AGXT2: variants seen among roughly 807,000 people sequenced by gnomAD.
AGXT2 encodes the protein alanine--glyoxylate aminotransferase 2, mitochondrial.
In AGXT2, 61 loss-of-function variants were observed where a neutral mutation model predicts 62.5. That is an observed-to-expected ratio of 0.98 (90% confidence interval 0.79 to 1.21). The LOEUF (loss-of-function observed/expected upper bound fraction) is 1.21. AGXT2 is among the 50% of genes most tolerant of loss of function. The probability of loss-of-function intolerance (pLI) is 0.00; values close to 1 mark genes in which losing one functional copy is unlikely to be tolerated. For missense variants in AGXT2, 666 were observed against 641.5 expected, an observed-to-expected ratio of 1.04 and a Z score of -0.41; for synonymous variants, 243 against 218.7, an observed-to-expected ratio of 1.11 and a Z score of -0.98.
rs1416484506 is a variant in AGXT2, at chr5:35,026,498, G to A, written c.782C>T (p.Ala261Val). 6.2e-7 allele frequency: 1 copy of A among 1,613,740 alleles called. No homozygotes were observed. The highest frequency in any genetic ancestry group is 1.1e-5 in the South Asian group (1 of 91,068). The change falls in exon 8 of 14, where the codon GCT becomes GTT. Residue 261 changes from alanine (A) to valine (V), a missense_variant. Coordinates refer to ENST00000231420, the MANE Select transcript of AGXT2 (RefSeq NM_031900.4). ...GAATTGCTCAATATACTGATCTTTA[G>A]CTTGGCAGCAGTCTGCAAAAAGCAA... is the stretch of plus-strand genomic sequence containing the variant. Reference protein sequence around the residue: ...KCSCAPDCCQAKDQYIEQFKD... With the variant: ...KCSCAPDCCQVKDQYIEQFKD...
At chr5:35,007,849 T>A (rs946008397) in intron 12 of AGXT2, among the ~76,000 whole-genome samples, 2 of 152,182 alleles carry the variant, frequency 1.3e-5, no homozygotes, top group African/African-American at 4.8e-5. Context: ...CCCTCATGAA[T>A]GTCTTGGTGC....
chr5:35,010,290 T>C (rs557498168), intron 11 of AGXT2, 141 bp from the exon 12 acceptor site: 11 of 1,095,530 alleles, frequency 1.0e-5, no homozygotes, highest in Non-Finnish European at 1.4e-5. Context: ...CCACAAGGAC[T>C]ACAAAAAGAT....
chr5:35,023,198 G>T (rs941519031), intron 9 of AGXT2, among the ~76,000 whole-genome samples: 6 of 145,780 alleles, frequency 4.1e-5, no homozygotes, highest in African/African-American at 1.3e-4. Flanking sequence ...AAAGAAAAAA[G>T]AAAAACCTCT....
At chr5:35,013,089 T>A (rs1405339690) in intron 10 of AGXT2, 44 bp from the exon 11 acceptor site, 10 of 1,503,538 alleles carry the variant, frequency 6.7e-6, no homozygotes, top group Non-Finnish European at 9.1e-6. Context: ...GACACATTCC[T>A]GTCCACAATC....
At chr5:35,024,275 T>C (rs1234962850) in intron 9 of AGXT2, among the ~76,000 whole-genome samples, 1 of 152,148 alleles carries the variant, frequency 6.6e-6, no homozygotes, top group Non-Finnish European at 1.5e-5. Flanking sequence ...TACTTACAGG[T>C]TCTCCACCTG....
chr5:35,030,568 C>T (rs1767528640), intron 7 of AGXT2, among the ~76,000 whole-genome samples: 1 of 152,098 alleles, frequency 6.6e-6, no homozygotes, highest in African/African-American at 2.4e-5. Context: ...CCAAAGGCAA[C>T]AGTTCAGAGC....
intron 2 of AGXT2, 148 bp from the exon 3 acceptor site, chr5:35,039,656 C>T (rs906153968): frequency 2.2e-5 from 16 of 722,208 alleles, no homozygotes; most frequent in African/African-American, 1.3e-4. Flanking sequence ...TACCCAATAT[C>T]GTCCCTGCAA....
intron 11 of AGXT2, among the ~76,000 whole-genome samples, chr5:35,011,572 T>G (rs565613691): frequency 1.7e-4 from 26 of 152,160 alleles, no homozygotes; most frequent in Non-Finnish European, 2.2e-4. Flanking sequence ...AACTATTTAA[T>G]TAATAAAGGC....
rs543129852 is a variant in AGXT2 at position 35,040,195 on chromosome 5, A to G, written c.177+380T>C. Among the ~76,000 whole-genome samples the G allele has an allele frequency of 3.9e-5, 6 of 152,228 alleles. No individual in the cohort carries two copies. The South Asian group carries it at 1.2e-3, about 32-fold the overall frequency. ...ATATAACTATAATTTTTGCTGGAGT[A>G]CCCAGGAAGGTCAGATGGCCACATG... On this transcript the variant is annotated intron_variant, in intron 2 of 13. Coordinates refer to ENST00000231420, the MANE Select transcript of AGXT2 (RefSeq NM_031900.4).
chr5:35,035,409 G>C, intron 4 of AGXT2, 93 bp from the exon 5 acceptor site: 1 of 1,028,568 alleles, frequency 9.7e-7, no homozygotes, highest in Non-Finnish European at 1.5e-6. Flanking sequence ...CAGCCCCTGA[G>C]TATTAAGGAG....
chr5:35,008,020 C>A (rs138824837), intron 12 of AGXT2, among the ~76,000 whole-genome samples: 445 of 152,262 alleles, frequency 2.9e-3, no homozygotes, highest in African/African-American at 0.01. Flanking sequence ...CCTTCCACCA[C>A]GAACAGAAGC....
At position 35,018,094 on chromosome 5, in the gene AGXT2, T is replaced by C. The variant is rs561016004; in HGVS notation, c.964-3975A>G. ...TATGTGAAAAGACCAAATCTACGTC[T>C]GATTGGTGTACCTGAAAGTGACAGG... On this transcript the variant is annotated intron_variant, in intron 9 of 13. Coordinates refer to ENST00000231420, the MANE Select transcript of AGXT2 (RefSeq NM_031900.4). Among the ~76,000 whole-genome samples the C allele has an allele frequency of 1.8e-3, 271 of 152,296 alleles. 4 individuals are homozygous for C. Among genetic ancestry groups the C allele is most frequent in the Non-Finnish European group, 2.8e-4 (19 of 68,018 alleles).
chr5:35,020,154 A>G (rs1337981937), intron 9 of AGXT2, among the ~76,000 whole-genome samples: 2 of 152,288 alleles, frequency 1.3e-5, no homozygotes, highest in Non-Finnish European at 1.5e-5. Context: ...ACAAGGAGGA[A>G]CTGGTACCAT....
intron 13 of AGXT2, among the ~76,000 whole-genome samples, chr5:35,002,356 A>C (rs1766259748): frequency 6.6e-6 from 1 of 152,178 alleles, no homozygotes; most frequent in Non-Finnish European, 1.5e-5. Flanking sequence ...GGTTTCCTTG[A>C]GTGAAGGTGG....
intron 4 of AGXT2, 39 bp downstream of exon 4, chr5:35,036,902 TC>T (rs759666875): frequency 6.2e-7 from 1 of 1,612,636 alleles, no homozygotes; most frequent in Admixed American, 1.7e-5. Context: ...CCTTTTTTTT[TC>T]CCCCATAACA....
At position 35,039,413 on chromosome 5, in the gene AGXT2, C is replaced by A. The variant is rs377297835; in HGVS notation, c.273G>T (p.Gly91=). 3.1e-6 allele frequency: 5 copies of A among 1,614,044 alleles called. No homozygotes were observed. Among genetic ancestry groups the A allele is most frequent in the Non-Finnish European group, 3.4e-6 (4 of 1,179,900 alleles). ...YFQKPLLLHQ[G]HMEWLFDAEG... ...CAGCATCAAAGAGCCACTCCATGTG[C>A]CCCTGGTGGAGCAGCAGGGGTTTCT... The change falls in exon 3 of 14, where the codon GGG becomes GGT. Residue 91 remains glycine (G), a synonymous_variant. Transcript: ENST00000231420.
At chr5:35,009,732 G>T (rs555833527) in intron 12 of AGXT2, among the ~76,000 whole-genome samples, 1 of 151,848 alleles carries the variant, frequency 6.6e-6, no homozygotes, top group Non-Finnish European at 1.5e-5. Flanking sequence ...CTAAGTATTC[G>T]GTCATTGCCT....
At chr5:35,043,219 T>C (rs553026081) in intron 1 of AGXT2, among the ~76,000 whole-genome samples, 6 of 152,350 alleles carry the variant, frequency 3.9e-5, no homozygotes, top group South Asian at 4.1e-4. Context: ...GGGAAAATTC[T>C]CTTTGTAATG....
At chr5:35,042,488 C>T (rs1304188699) in intron 1 of AGXT2, among the ~76,000 whole-genome samples, 1 of 152,010 alleles carries the variant, frequency 6.6e-6, no homozygotes, top group Non-Finnish European at 1.5e-5. Flanking sequence ...TGTCATATCA[C>T]TCCTCTTAAT....
Sources: allele counts gnomAD v4.1 joint callset (sites outside exome capture counted in the v4.1 genomes callset), GRCh38; gene constraint gnomAD v4.1.1; transcripts MANE v1.5; gene names NCBI Gene and HGNC (gene_info 2026-07-23, HGNC 2026-07-21).